Variants in ERC1 observed in about 807,000 individuals in gnomAD.
The protein encoded by ERC1 is ELKS/RAB6-interacting/CAST family member 1.
A neutral mutation model predicts 132.0 loss-of-function variants in ERC1; 56 were observed. The observed-to-expected ratio is 0.42, with a 90% CI of 0.34 to 0.53. ERC1 has a LOEUF of 0.53. Ranked by LOEUF, ERC1 falls within the 20% of genes least tolerant of loss-of-function variation. The pLI is 0.03. For missense variants in ERC1, 1,202 were observed against 1,349.9 expected (o/e 0.89, Z 1.72); for synonymous variants, 478 against 476.1 (o/e 1.00, Z -0.05).
In ERC1 at chr12:1,074,533, T is replaced by C. The variant is rs139196309; in HGVS notation, c.670-8631T>C. 4.9e-3 allele frequency among the ~76,000 whole-genome samples: 748 copies of C among 152,102 alleles called. 10 individuals carry two copies. The highest frequency in any genetic ancestry group is 0.017 in the African/African-American group (723 of 41,478). Reference sequence around the variant, plus strand: ...TGGTCTCAAACTCCCCCACCCCAAGTGATCTACCCACTTTGGCCTCCCAGA... The same window carrying C: ...TGGTCTCAAACTCCCCCACCCCAAGCGATCTACCCACTTTGGCCTCCCAGA... On this transcript the variant is annotated intron_variant, in intron 2 of 18. Coordinates refer to ENST00000360905, the MANE Select transcript of ERC1 (RefSeq NM_178040.4).
intron 12 of ERC1, among the ~76,000 whole-genome samples, chr12:1,228,222 C>T (rs1022568964): frequency 1.3e-5 from 2 of 152,142 alleles, no homozygotes; most frequent in African/African-American, 2.4e-5. Flanking sequence ...CCATAGATTG[C>T]TTTGAGTAGT....
chr12:1,211,443 C>T (rs561673901), intron 12 of ERC1, among the ~76,000 whole-genome samples: 7 of 152,078 alleles, frequency 4.6e-5, no homozygotes, highest in Non-Finnish European at 5.9e-5. Flanking sequence ...CCACCGTGCC[C>T]GGCCTAAGTT....
intron 8 of ERC1, among the ~76,000 whole-genome samples, chr12:1,148,113 T>C (rs73041042): frequency 0.041 from 6,233 of 152,292 alleles, 176 homozygotes; most frequent in Non-Finnish European, 0.061. Flanking sequence ...AGAAAAGATA[T>C]ACTGGTTAGA....
chr12:1,309,261 C>T (rs905229590), intron 15 of ERC1, among the ~76,000 whole-genome samples: 4 of 152,182 alleles, frequency 2.6e-5, no homozygotes, highest in Non-Finnish European at 5.9e-5. Context: ...TCGTATTGAA[C>T]TGTGAAATAC....
chr12:1,314,351 A>G (rs2081536675), intron 15 of ERC1, among the ~76,000 whole-genome samples: 1 of 152,208 alleles, frequency 6.6e-6, no homozygotes, highest in East Asian at 1.9e-4. Flanking sequence ...TGACAAAAGA[A>G]GATTAAATTT....
chr12:1,363,361 A>G (rs1448701285), intron 15 of ERC1, among the ~76,000 whole-genome samples: 1 of 152,070 alleles, frequency 6.6e-6, no homozygotes, highest in Non-Finnish European at 1.5e-5. Flanking sequence ...GAAGGAAAAA[A>G]CTGAACGCAA....
At chr12:1,172,487 A>T (rs1034465344) in intron 8 of ERC1, among the ~76,000 whole-genome samples, 1 of 152,142 alleles carries the variant, frequency 6.6e-6, no homozygotes. Flanking sequence ...ACAAACAAAT[A>T]TGTATTTCTT....
At chr12:1,160,793 C>T (rs372570684) in intron 8 of ERC1, among the ~76,000 whole-genome samples, 7 of 152,278 alleles carry the variant, frequency 4.6e-5, no homozygotes, top group African/African-American at 1.7e-4. Flanking sequence ...CAAGGTCTCA[C>T]TGTGTTGCCC....
chr12:1,031,281 A>G (rs1156410245), intron 2 of ERC1, among the ~76,000 whole-genome samples: 1 of 152,210 alleles, frequency 6.6e-6, no homozygotes, highest in African/African-American at 2.4e-5. Context: ...ACATTTTGAC[A>G]TTTCTCTTTA....
At chr12:1,117,931 A>G (rs1946628901) in intron 7 of ERC1, among the ~76,000 whole-genome samples, 1 of 152,138 alleles carries the variant, frequency 6.6e-6, no homozygotes, top group Non-Finnish European at 1.5e-5. Context: ...TTTATTTTAA[A>G]AATTTTTTGT....
intron 14 of ERC1, 65 bp downstream of exon 14, chr12:1,263,230 A>G: frequency 1.3e-6 from 2 of 1,529,070 alleles, no homozygotes; most frequent in Non-Finnish European, 9.0e-7. Context: ...CACAACCAGT[A>G]TAGTTTAGGT....
At chr12:1,263,494 G>T (rs534015708) in intron 14 of ERC1, among the ~76,000 whole-genome samples, 1 of 152,222 alleles carries the variant, frequency 6.6e-6, no homozygotes, top group Admixed American at 6.5e-5. Context: ...AAATAAAGTT[G>T]TATGAGAATT....
chr12:1,366,162 G>A (rs1362309894), intron 15 of ERC1, among the ~76,000 whole-genome samples: 1 of 151,584 alleles, frequency 6.6e-6, no homozygotes, highest in African/African-American at 2.4e-5. Context: ...GTACTTTACT[G>A]AACTGTTCAT....
intron 1 of ERC1, among the ~76,000 whole-genome samples, chr12:1,007,528 C>CTT (rs1565769171): frequency 2.7e-5 from 2 of 74,610 alleles, no homozygotes; most frequent in Admixed American, 1.9e-4. Flanking sequence ...CTCTCTCTCT[C>CTT]TCTCTCTCTC....
intron 1 of ERC1, among the ~76,000 whole-genome samples, chr12:1,012,875 A>G (rs1964926808): frequency 6.6e-6 from 1 of 152,140 alleles, no homozygotes; most frequent in Non-Finnish European, 1.5e-5. Flanking sequence ...TAACTTTTCA[A>G]GTATGTTTTG....
chr12:1,136,578 A>C (rs1190465364), intron 7 of ERC1, among the ~76,000 whole-genome samples: 1 of 152,192 alleles, frequency 6.6e-6, no homozygotes, highest in Non-Finnish European at 1.5e-5. Context: ...TCCGATATAC[A>C]AATACCATGA....
intron 17 of ERC1, among the ~76,000 whole-genome samples, chr12:1,417,741 A>G (rs2092190589): frequency 6.7e-6 from 1 of 149,234 alleles, no homozygotes; most frequent in African/African-American, 2.5e-5. Flanking sequence ...AGATTGTGCC[A>G]TTGTACTTCA....
chr12:1,478,784 G>A (rs1427982281), intron 18 of ERC1, among the ~76,000 whole-genome samples: 1 of 122,038 alleles, frequency 8.2e-6, no homozygotes, highest in East Asian at 2.0e-4. Flanking sequence ...GTGAGACTCT[G>A]TCTCAATAAA....
intron 16 of ERC1, among the ~76,000 whole-genome samples, chr12:1,389,919 C>A (rs1461806587): frequency 6.6e-6 from 1 of 152,004 alleles, no homozygotes; most frequent in Non-Finnish European, 1.5e-5. Context: ...GAAACAACAA[C>A]AAAAAAACCC....
Sources: gnomAD v4.1 joint callset for allele counts (sites outside exome capture counted in the v4.1 genomes callset) on GRCh38, gnomAD v4.1.1 for gene constraint, MANE v1.5 for transcripts, NCBI Gene and HGNC (gene_info 2026-07-23, HGNC 2026-07-21) for gene names.